FGD5: variants seen among roughly 807,000 people sequenced by gnomAD.
FGD5 encodes FYVE, RhoGEF and PH domain-containing protein 5.
FGD5 carries 28 observed loss-of-function variants against 133.4 expected under a neutral mutation model. That is an observed-to-expected ratio of 0.21 (90% confidence interval 0.16 to 0.29). The LOEUF (loss-of-function observed/expected upper bound fraction) is 0.29. FGD5 is among the 10% of genes least tolerant of loss of function. The probability of loss-of-function intolerance (pLI) is 1.00; values close to 1 mark genes in which losing one functional copy is unlikely to be tolerated. For missense variants in FGD5, 1,858 were observed against 1,895.2 expected, an observed-to-expected ratio of 0.98 and a Z score of 0.36; for synonymous variants, 810 against 776.5, an observed-to-expected ratio of 1.04 and a Z score of -0.72.
intron 9 of FGD5, among the ~76,000 whole-genome samples, chr3:14,904,398 C>G (rs1279162938): frequency 6.6e-6 from 1 of 152,130 alleles, no homozygotes; most frequent in East Asian, 1.9e-4. Context: ...TAATCCAACA[C>G]TTCCTTATTT....
intron 11 of FGD5, among the ~76,000 whole-genome samples, chr3:14,915,530 G>A (rs1559504458): frequency 2.0e-5 from 3 of 151,906 alleles, no homozygotes; most frequent in African/African-American, 2.4e-5. Context: ...TGTGTAGAGC[G>A]TTCACTTTGG....
chr3:14,915,909 A>T (rs938361525), intron 11 of FGD5, among the ~76,000 whole-genome samples: 4 of 152,050 alleles, frequency 2.6e-5, no homozygotes, highest in African/African-American at 9.7e-5. Context: ...TGTTGGCACC[A>T]TGTGTACAGG....
At chr3:14,816,593 G>T (rs1388545900), upstream of FGD5, among the ~76,000 whole-genome samples, 1 of 152,186 alleles carries the variant, frequency 6.6e-6, no homozygotes, top group Non-Finnish European at 1.5e-5. Flanking sequence ...GTCAGGATTT[G>T]ACCCAGATCA....
intron 1 of FGD5, among the ~76,000 whole-genome samples, chr3:14,845,709 A>T (rs991775323): frequency 6.6e-6 from 1 of 152,210 alleles, no homozygotes; most frequent in Non-Finnish European, 1.5e-5. Context: ...GGTGGGCTTC[A>T]TAGTCATCCC....
In FGD5 at chr3:14,907,692, A is replaced by G; in HGVS notation, c.3317A>G (p.Asp1106Gly). 1 of 1,613,682 alleles carries G rather than the reference A, an allele frequency of 6.2e-7. No individual in the cohort carries two copies. The highest frequency in any genetic ancestry group is 8.5e-7 in the Non-Finnish European group (1 of 1,179,724). The change falls in exon 10 of 20, where the codon GAT becomes GGT. Residue 1106 changes from aspartate to glycine, a missense_variant. Coordinates refer to ENST00000285046, the MANE Select transcript of FGD5 (RefSeq NM_152536.4). Reference protein sequence around the residue: ...HIEHSVRGQGDLLQPGREFLK... With the variant: ...HIEHSVRGQGGLLQPGREFLK... ...GAGCACAGCGTCCGGGGCCAAGGGG[A>G]TCTCCTCCAGCCAGGAAGGGTGAGT... is the stretch of plus-strand genomic sequence containing the variant.
rs1219134620 is a variant in FGD5 at position 14,819,248 on chromosome 3, G to A, written c.177G>A (p.Ser59=). 2.8e-5 allele frequency: 43 copies of A among 1,540,528 alleles called. No individual in the cohort carries two copies. The highest frequency in any genetic ancestry group is 1.7e-4 in the Middle Eastern group (1 of 5,924). The part of the protein sequence containing the change: ...GPRSIPKCSE[S]ETDEDYIVVP... ...GGTCCATCCCAAAGTGCTCTGAGTC[G>A]GAGACCGACGAGGATTACATCGTGG... Residue 59 remains serine (S), a synonymous_variant, in exon 1 of 20, where the codon TCG becomes TCA. Coordinates refer to ENST00000285046, the MANE Select transcript of FGD5 (RefSeq NM_152536.4). The surrounding 1 kb of genome is among the most constrained non-coding windows in gnomAD (Gnocchi z 4.1).
intron 9 of FGD5, among the ~76,000 whole-genome samples, chr3:14,905,853 T>C (rs940206974): frequency 1.3e-5 from 2 of 152,138 alleles, no homozygotes; most frequent in African/African-American, 4.8e-5. Context: ...TAACTTGTTA[T>C]TGGAGGCCAG....
chr3:14,885,136 A>G (rs1169843017), intron 4 of FGD5, among the ~76,000 whole-genome samples: 2 of 150,020 alleles, frequency 1.3e-5, no homozygotes, highest in Non-Finnish European at 3.0e-5. Context: ...TTTTATTCCC[A>G]CGTTCGCCCC....
chr3:14,927,733 A>G (rs1429679491), intron 18 of FGD5, among the ~76,000 whole-genome samples: 1 of 152,112 alleles, frequency 6.6e-6, no homozygotes, highest in East Asian at 1.9e-4. Context: ...AGCGACTATC[A>G]AAAATACATA....
rs777553033 is a variant in FGD5 at position 14,907,650 on chromosome 3, A to G, written c.3275A>G (p.Gln1092Arg). Residue 1092 changes from glutamine to arginine, a missense_variant, in exon 10 of 20, where the codon CAG (glutamine) becomes CGG (arginine). This residue lies in a region of FGD5 where 1,824 missense variants were observed against 1,848.9 expected (regional missense o/e 0.99). Transcript: ENST00000285046. ...CATTCCCACCCACAGGAAAACCTGCAGAAGCTGGTCCACATTGAGCACAGC... is the reference window on the plus strand; with the variant it reads ...CATTCCCACCCACAGGAAAACCTGCGGAAGCTGGTCCACATTGAGCACAGC... ...NDSMEQGENLQKLVHIEHSVR... is the reference protein window; with the variant it reads ...NDSMEQGENLRKLVHIEHSVR... 14 of 1,613,566 alleles carry G rather than the reference A, an allele frequency of 8.7e-6. No individual in the cohort carries two copies. The highest frequency in any genetic ancestry group is 1.2e-5 in the Non-Finnish European group (14 of 1,179,622).
intron 1 of FGD5, among the ~76,000 whole-genome samples, chr3:14,837,377 T>C (rs796073753): frequency 4.6e-5 from 7 of 152,334 alleles, no homozygotes; most frequent in African/African-American, 1.4e-4. Flanking sequence ...AGTCATTCAT[T>C]ATCCAGTTGC....
rs376185617 is a variant in FGD5 at position 14,880,532 on chromosome 3, T to G, written c.2659-40T>G. 1.2e-3 allele frequency: 1,924 copies of G among 1,605,498 alleles called. 36 individuals carry two copies. In the South Asian group the frequency reaches 0.018, roughly 15 times the overall value. ...CATGGTGGCCTCCTCTAGAAACCAC[T>G]GATGCCTGTCCCACCTGATTGCTCT... is the stretch of plus-strand genomic sequence containing the variant. On this transcript the variant is annotated intron_variant, in intron 2 of 19. Transcript: ENST00000285046.
chr3:14,924,284 C>T (rs925046620), intron 17 of FGD5, 146 bp downstream of exon 17: 148 of 1,233,404 alleles, frequency 1.2e-4, no homozygotes, highest in Non-Finnish European at 1.4e-4. Context: ...ATCCCAGCTA[C>T]GAGGACCGAC....
chr3:14,903,464 T>C (rs1436022699), intron 9 of FGD5, among the ~76,000 whole-genome samples: 2 of 150,928 alleles, frequency 1.3e-5, no homozygotes, highest in Non-Finnish European at 3.0e-5. Flanking sequence ...TAACTCGTCA[T>C]CTAGCATTAG....
intron 11 of FGD5, among the ~76,000 whole-genome samples, chr3:14,915,559 G>A (rs948356454): frequency 5.9e-5 from 9 of 152,180 alleles, no homozygotes; most frequent in African/African-American, 2.2e-4. Flanking sequence ...GGCACCATGT[G>A]TAGAGGGCTC....
chr3:14,833,034 A>T (rs2036746563), intron 1 of FGD5, among the ~76,000 whole-genome samples: 1 of 152,216 alleles, frequency 6.6e-6, no homozygotes. Context: ...TAAACTAATA[A>T]TAATTTCTGA....
At chr3:14,913,274 C>G (rs1010526577) in intron 11 of FGD5, among the ~76,000 whole-genome samples, 9 of 152,290 alleles carry the variant, frequency 5.9e-5, no homozygotes, top group Non-Finnish European at 1.3e-4. Context: ...AGCCGCTTAT[C>G]TGATAGTAGT....
chr3:14,912,411 C>G (rs1452574984), intron 11 of FGD5, among the ~76,000 whole-genome samples: 1 of 151,370 alleles, frequency 6.6e-6, no homozygotes, highest in Non-Finnish European at 1.5e-5. Context: ...TAGCTGCAGG[C>G]AAGAGGAGAG....
intron 11 of FGD5, among the ~76,000 whole-genome samples, chr3:14,914,292 TTAG>T (rs2038509194): frequency 2.0e-5 from 3 of 152,212 alleles, no homozygotes. Flanking sequence ...AGCAGTGTTG[TTAG>T]ACTGCGGAAA....
Sources: gnomAD v4.1 joint callset for allele counts (sites outside exome capture counted in the v4.1 genomes callset) on GRCh38, gnomAD v4.1.1 for gene constraint, gnomAD v4.1.1 regional missense constraint, Gnocchi (gnomAD v3.1) non-coding constraint, MANE v1.5 for transcripts, NCBI Gene and HGNC (gene_info 2026-07-23, HGNC 2026-07-21) for gene names.